PPP1R12B: variants seen among roughly 807,000 people sequenced by gnomAD.
The protein encoded by PPP1R12B is myosin phosphatase target subunit 2.
In PPP1R12B, 76 loss-of-function variants were observed where a neutral mutation model predicts 126.1. That is an observed-to-expected ratio of 0.60 (90% CI 0.50 to 0.73). PPP1R12B has a LOEUF of 0.73. Ranked by LOEUF, PPP1R12B falls within the 30% of genes least tolerant of loss-of-function variation. The pLI, the probability that PPP1R12B is intolerant of heterozygous loss-of-function variation, is 0.00. For synonymous variants in PPP1R12B, 356 were observed against 434.7 expected (o/e 0.82, Z 2.25); for missense variants, 1,052 against 1,205.1 (o/e 0.87, Z 1.88).
chr1:202,449,740 G>A (rs1370857884), intron 13 of PPP1R12B, among the ~76,000 whole-genome samples: 1 of 152,000 alleles, frequency 6.6e-6, no homozygotes, highest in African/African-American at 2.4e-5. Context: ...AGGCTGGAGT[G>A]CAGTGGCGCG....
At chr1:202,542,945 C>G (rs1206035312) in intron 18 of PPP1R12B, among the ~76,000 whole-genome samples, 1 of 152,116 alleles carries the variant, frequency 6.6e-6, no homozygotes, top group Non-Finnish European at 1.5e-5. Context: ...AGCACCTGAT[C>G]CAACATTCTT....
chr1:202,373,922 A>G (rs1436837439), intron 1 of PPP1R12B, among the ~76,000 whole-genome samples: 2 of 152,130 alleles, frequency 1.3e-5, no homozygotes, highest in Non-Finnish European at 2.9e-5. Flanking sequence ...TCTAATGGTC[A>G]AGAAATAAAA....
At chr1:202,416,184 C>T (rs1668032618) in intron 1 of PPP1R12B, among the ~76,000 whole-genome samples, 1 of 152,168 alleles carries the variant, frequency 6.6e-6, no homozygotes, top group African/African-American at 2.4e-5. Context: ...ATTTGTAGCA[C>T]TTTAGAAATC....
chr1:202,443,182 T>A (rs141410980), intron 12 of PPP1R12B: 1 of 910,690 alleles, frequency 1.1e-6, no homozygotes, highest in Non-Finnish European at 1.3e-6. Flanking sequence ...AATTATTTTC[T>A]TTGCCACATA....
Position 202,431,498 on chromosome 1 carries a change from T to C in PPP1R12B, c.1020T>C (p.Tyr340=). 6.2e-7 allele frequency: 1 copy of C among 1,606,990 alleles called. No homozygotes were observed. The highest frequency in any genetic ancestry group is 8.5e-7 in the Non-Finnish European group (1 of 1,177,816). ...GFFKNKEKML[Y]EEETPKSQEM... Reference sequence around the variant, plus strand: ...AATTTAGCAAAGAGAAGATGCTCTATGAGGAGGAGACACCTAAGTCCCAAG... The same window carrying C: ...AATTTAGCAAAGAGAAGATGCTCTACGAGGAGGAGACACCTAAGTCCCAAG... Residue 340 remains tyrosine (Y), a synonymous_variant, in exon 8 of 24, where the codon TAT becomes TAC. Transcript: ENST00000608999.
At chr1:202,383,095 AGT>A (rs1662606860) in intron 1 of PPP1R12B, among the ~76,000 whole-genome samples, 1 of 152,218 alleles carries the variant, frequency 6.6e-6, no homozygotes, top group African/African-American at 2.4e-5. Context: ...AAGTCAATTA[AGT>A]TTGCAATTGT....
At position 202,438,502 on chromosome 1, in the gene PPP1R12B, G is replaced by A. The variant is rs564536772; in HGVS notation, c.1458+478G>A. On this transcript the variant is annotated intron_variant, in intron 10 of 23. Coordinates refer to ENST00000608999, the MANE Select transcript of PPP1R12B (RefSeq NM_002481.4). ...GGATGGGGTGGAGGATGCAGAGGGC[G>A]AGGAGGAAGATGACCTGAAAGAGCT... 1.5e-5 allele frequency: 6 copies of A among 407,202 alleles called. No individual in the cohort carries two copies. The East Asian group carries it at 3.2e-4, about 22-fold the overall frequency. 25.2% of individuals were successfully genotyped at this position (407,202 alleles called of 1,614,324 possible).
Position 202,399,923 on chromosome 1 carries a change from T to G in PPP1R12B, c.292-16864T>G, listed in dbSNP as rs534975739. On this transcript the variant is annotated intron_variant, in intron 1 of 23. Coordinates refer to ENST00000608999, the MANE Select transcript of PPP1R12B (RefSeq NM_002481.4). ...TGGGTATATCGTGTGATGCTGAAGTTTGGGGTATGATTGATCCCATCACCC... is the reference window on the plus strand; with the variant it reads ...TGGGTATATCGTGTGATGCTGAAGTGTGGGGTATGATTGATCCCATCACCC... 1.2e-4 allele frequency among the ~76,000 whole-genome samples: 19 copies of G among 152,178 alleles called. No individual in the cohort carries two copies. The South Asian group carries it at 3.7e-3, about 30-fold the overall frequency.
chr1:202,453,196 T>A lies in PPP1R12B; in HGVS notation c.1850+4025T>A, dbSNP rs1673220890. On this transcript the variant is annotated intron_variant, in intron 13 of 23. Transcript: ENST00000608999. ...TGAGGGTTTTTATCATGAAAGGATGTTGAATTTTATCAAATGCTATTTCAG... is the reference window on the plus strand; with the variant it reads ...TGAGGGTTTTTATCATGAAAGGATGATGAATTTTATCAAATGCTATTTCAG... Among the ~76,000 whole-genome samples, 3 of 152,244 alleles carry A rather than the reference T, an allele frequency of 2.0e-5. 1 individual carries two copies. Among genetic ancestry groups the A allele is most frequent in the African/African-American group, 7.2e-5 (3 of 41,564 alleles).
In PPP1R12B at chr1:202,459,023, A is replaced by C. The variant is rs552197452; in HGVS notation, c.1850+9852A>C. ...CACAGCTGGCTCTCCTTTTCTGAGA[A>C]TGTTTTATCTTAAGAGGGGATAAGT... On this transcript the variant is annotated intron_variant, in intron 13 of 23. Coordinates refer to ENST00000608999, the MANE Select transcript of PPP1R12B (RefSeq NM_002481.4). Among the ~76,000 whole-genome samples the C allele has an allele frequency of 1.3e-4, 20 of 152,322 alleles. No individual in the cohort carries two copies. The South Asian group carries it at 3.9e-3, about 30-fold the overall frequency.
chr1:202,349,717 C>A (rs911609659), intron 1 of PPP1R12B, among the ~76,000 whole-genome samples: 6 of 152,174 alleles, frequency 3.9e-5, no homozygotes, highest in African/African-American at 1.4e-4. Flanking sequence ...TTTTAGGTAT[C>A]TTAACTTCCT....
intron 18 of PPP1R12B, among the ~76,000 whole-genome samples, chr1:202,511,512 C>T (rs1318967267): frequency 4.6e-5 from 7 of 152,028 alleles, no homozygotes; most frequent in South Asian, 2.1e-4. Context: ...CCACCGTGCC[C>T]GGCATATGTA....
At chr1:202,505,936 A>G (rs1221559318) in intron 18 of PPP1R12B, among the ~76,000 whole-genome samples, 1 of 152,168 alleles carries the variant, frequency 6.6e-6, no homozygotes, top group Admixed American at 6.5e-5. Context: ...TAACATGATA[A>G]TGTTCATAAG....
chr1:202,475,926 A>G (rs975668446), intron 13 of PPP1R12B, among the ~76,000 whole-genome samples: 4 of 152,112 alleles, frequency 2.6e-5, no homozygotes, highest in Non-Finnish European at 5.9e-5. Flanking sequence ...TTGACTGGGC[A>G]TCGTGGCTCA....
intron 18 of PPP1R12B, among the ~76,000 whole-genome samples, chr1:202,525,783 C>T (rs372436346): frequency 1.3e-4 from 20 of 151,922 alleles, no homozygotes; most frequent in Admixed American, 3.3e-4. Context: ...CTGCAGCCTA[C>T]GCCTCCCAGG....
At chr1:202,394,610 C>T (rs1479818603) in intron 1 of PPP1R12B, among the ~76,000 whole-genome samples, 4 of 151,858 alleles carry the variant, frequency 2.6e-5, no homozygotes, top group South Asian at 2.1e-4. Flanking sequence ...CAAAATTAGC[C>T]GGGCATGGTG....
Position 202,422,735 on chromosome 1 carries a change from C to G in PPP1R12B, c.538C>G (p.Gln180Glu), listed in dbSNP as rs559371943. The change falls in exon 3 of 24, where the codon CAA becomes GAA. Residue 180 changes from glutamine (Q) to glutamate (E), a missense_variant. Coordinates refer to ENST00000608999, the MANE Select transcript of PPP1R12B (RefSeq NM_002481.4). ...TCTTCTTCTGGAGCAAGTAAAGAAG[C>G]AAGGTAACCTCATGGATTGGAGGGG... Reference protein sequence around the residue: ...KDLLLEQVKKQGVDLEQSRKE... With the variant: ...KDLLLEQVKKEGVDLEQSRKE... 8 of 1,613,584 alleles carry G rather than the reference C, an allele frequency of 5.0e-6. No individual in the cohort carries two copies. Among genetic ancestry groups the G allele is most frequent in the South Asian group, 1.1e-5 (1 of 91,048 alleles).
chr1:202,444,009 C>T, intron 12 of PPP1R12B, among the ~76,000 whole-genome samples: 1 of 152,136 alleles, frequency 6.6e-6, no homozygotes, highest in East Asian at 1.9e-4. Flanking sequence ...CTTGGATTTC[C>T]AAAGCTTTTC....
At position 202,427,055 on chromosome 1, in the gene PPP1R12B, T is replaced by C; in HGVS notation, c.717T>C (p.Ala239=). The C allele has an allele frequency of 6.2e-7, 1 of 1,611,274 alleles. No individual in the cohort carries two copies. The highest frequency in any genetic ancestry group is 8.5e-7 in the Non-Finnish European group (1 of 1,179,334). ...TTCTTTTTAGACTTTTAATTCAGGC[T>C]GGCTATGAACTCAATGTTCAGGATT... ...YSEVLRLLIQ[A]GYELNVQDYD... Residue 239 remains alanine (A), a synonymous_variant, in exon 5 of 24, where the codon GCT becomes GCC. Transcript: ENST00000608999.
Sources: allele counts gnomAD v4.1 joint callset (sites outside exome capture counted in the v4.1 genomes callset), GRCh38; gene constraint gnomAD v4.1.1; transcripts MANE v1.5; gene names NCBI Gene and HGNC (gene_info 2026-07-23, HGNC 2026-07-21).